Variants in SEPTIN9 observed in about 807,000 individuals in gnomAD.
SEPTIN9 encodes the protein septin 9, also known as septin-9.
SEPTIN9 carries 13 observed loss-of-function variants against 56.6 expected under a neutral mutation model. The ratio of observed to expected loss-of-function variants is 0.23; its 90% CI spans 0.15 to 0.37. The LOEUF (loss-of-function observed/expected upper bound fraction) is 0.37. Ranked by LOEUF, SEPTIN9 falls within the 10% of genes least tolerant of loss-of-function variation. The pLI is 1.00. For missense variants in SEPTIN9, 650 were observed against 823.1 expected, an observed-to-expected ratio of 0.79 and a Z score of 2.57; for synonymous variants, 332 against 334.1, an observed-to-expected ratio of 0.99 and a Z score of 0.07.
intron 2 of SEPTIN9, 103 bp from the exon 3 acceptor site, chr17:77,401,956 C>A: frequency 1.6e-6 from 2 of 1,228,984 alleles, no homozygotes; most frequent in South Asian, 1.5e-5. Context: ...CGGCCCTCAC[C>A]GCCGCATCGC....
intron 2 of SEPTIN9, among the ~76,000 whole-genome samples, chr17:77,390,453 T>TTC (rs1464024718): frequency 1.9e-4 from 21 of 111,124 alleles, no homozygotes; most frequent in African/African-American, 1.2e-3. Flanking sequence ...CACATTTCGC[T>TTC]TTTTTTTTTT....
chr17:77,353,533 AG>A lies in SEPTIN9; in HGVS notation c.76+46337del, dbSNP rs111326450. On this transcript the variant is annotated intron_variant, in intron 2 of 11. Coordinates refer to ENST00000427177, the MANE Select transcript of SEPTIN9 (RefSeq NM_001113491.2). ...ATGTGGGAGTTGTTCAGGAGTGCAT[AG>A]AAGGGACCTCAGAGGTCCCTGCCAA... Among the ~76,000 whole-genome samples, 581 of 152,236 alleles carry A rather than the reference AG, an allele frequency of 3.8e-3. 6 individuals carry two copies. The highest frequency in any genetic ancestry group is 0.011 in the African/African-American group (461 of 41,542).
At chr17:77,441,784 C>T (rs529297075) in intron 3 of SEPTIN9, among the ~76,000 whole-genome samples, 41 of 152,220 alleles carry the variant, frequency 2.7e-4, no homozygotes, top group African/African-American at 7.7e-4. Context: ...TTGCCACTTC[C>T]GTTTCTTTCC....
chr17:77,373,258 G>T, intron 2 of SEPTIN9: 1 of 1,137,662 alleles, frequency 8.8e-7, no homozygotes, highest in Non-Finnish European at 1.1e-6. Flanking sequence ...GCGGGTGCGG[G>T]AACCTGATCC....
chr17:77,460,778 T>C (rs904914345), intron 3 of SEPTIN9, among the ~76,000 whole-genome samples: 1 of 152,114 alleles, frequency 6.6e-6, no homozygotes, highest in Non-Finnish European at 1.5e-5. Context: ...GCATCTTGCA[T>C]CCGGGGAGTG....
rs1355808040 is a variant in SEPTIN9 at position 77,453,578 on chromosome 17, C to G, written c.722-28566C>G. ...TGAGATTGTGCTACTGCACTCCAGT[C>G]TGGGCAACAAGAGTGAAACTCTGTC... On this transcript the variant is annotated intron_variant, in intron 3 of 11. Coordinates refer to ENST00000427177, the MANE Select transcript of SEPTIN9 (RefSeq NM_001113491.2). The surrounding 1 kb of genome is among the most constrained non-coding windows in gnomAD (Gnocchi z 4.4). Among the ~76,000 whole-genome samples the G allele has an allele frequency of 1.4e-5, 2 of 147,870 alleles. No homozygotes were observed. Among genetic ancestry groups the G allele is most frequent in the East Asian group, 4.0e-4 (2 of 5,052 alleles).
chr17:77,452,384 C>A (rs953976481), intron 3 of SEPTIN9, among the ~76,000 whole-genome samples: 1 of 152,210 alleles, frequency 6.6e-6, no homozygotes, highest in African/African-American at 2.4e-5. Context: ...CCTGAAACGC[C>A]GTCCCAGTGA....
At chr17:77,373,841 G>GT in intron 2 of SEPTIN9, 2 of 428,262 alleles carry the variant, frequency 4.7e-6, no homozygotes, top group Non-Finnish European at 7.8e-6. Flanking sequence ...TTTTATTGTT[G>GT]TTTGTGTTTG....
intron 1 of SEPTIN9, among the ~76,000 whole-genome samples, chr17:77,301,867 C>T (rs1051321114): frequency 6.6e-6 from 1 of 152,178 alleles, no homozygotes; most frequent in Non-Finnish European, 1.5e-5. Context: ...CATTCATTGT[C>T]AGCACAAAGG....
intron 1 of SEPTIN9, among the ~76,000 whole-genome samples, chr17:77,305,480 TCTC>T (rs2032223713): frequency 6.6e-6 from 1 of 151,918 alleles, no homozygotes; most frequent in African/African-American, 2.4e-5. Context: ...TTTGTCCTCA[TCTC>T]CTCCATGAAG....
chr17:77,395,398 G>A (rs1284362810), intron 2 of SEPTIN9, among the ~76,000 whole-genome samples: 4 of 151,996 alleles, frequency 2.6e-5, no homozygotes, highest in Non-Finnish European at 2.9e-5. Context: ...CGTGGTGGCC[G>A]GGCACCTGTA....
In SEPTIN9 at chr17:77,450,715, G is replaced by GGGCTGGAGA. The variant is rs1273052577; in HGVS notation, c.722-31416_722-31408dup. The GGGCTGGAGA allele has an allele frequency of 5.1e-6, 5 of 986,146 alleles. No individual in the cohort carries two copies. The highest frequency in any genetic ancestry group is 6.0e-6 in the Non-Finnish European group (5 of 830,680). The allele number at this position is 986,146 out of a possible 1,614,324, so 61.1% of individuals were successfully genotyped here. A position where few individuals can be genotyped will look rare whatever the true frequency, so the allele number is the denominator to read the frequency against. Reference sequence around the variant, plus strand: ...CTGACTCACTGGCCAGGTCCCCCAGGGGCTGGAGAGGCTGGAGAGGCAGGA... The same window carrying GGGCTGGAGA: ...CTGACTCACTGGCCAGGTCCCCCAGGGGCTGGAGAGGCTGGAGAGGCTGGAGAGGCAGGA... On this transcript the variant is annotated intron_variant, in intron 3 of 11. Transcript: ENST00000427177. This position sits in a 1 kb window ranked among gnomAD's most constrained non-coding sequence, Gnocchi z 6.0.
intron 2 of SEPTIN9, among the ~76,000 whole-genome samples, chr17:77,385,949 G>A (rs554798952): frequency 2.6e-5 from 4 of 152,204 alleles, no homozygotes; most frequent in East Asian, 3.8e-4. Flanking sequence ...AGACCTCACC[G>A]TGGCCCTCGT....
chr17:77,371,248 G>C lies in SEPTIN9; in HGVS notation c.77-30811G>C, dbSNP rs187318515. 1.4e-4 allele frequency among the ~76,000 whole-genome samples: 22 copies of C among 152,344 alleles called. 3 individuals carry two copies. Among genetic ancestry groups the C allele is most frequent in the Admixed American group, 1.1e-3 (17 of 15,306 alleles). On this transcript the variant is annotated intron_variant, in intron 2 of 11. Coordinates refer to ENST00000427177, the MANE Select transcript of SEPTIN9 (RefSeq NM_001113491.2). This position sits in a 1 kb window ranked among gnomAD's most constrained non-coding sequence, Gnocchi z 4.1. The stretch of plus-strand genomic sequence containing the variant: ...GTGGGCTCTGAGCACAGTCACGAAG[G>C]CATGCGCACTTTCTGGCTGCTCTCC...
At chr17:77,426,884 A>G (rs1176093902) in intron 3 of SEPTIN9, 1 of 152,224 alleles carries the variant, frequency 6.6e-6, no homozygotes, top group Admixed American at 6.5e-5. Flanking sequence ...GGGGAGCACA[A>G]AGGAGGGAAG....
chr17:77,403,744 C>T (rs987549259), intron 3 of SEPTIN9, among the ~76,000 whole-genome samples: 1 of 152,228 alleles, frequency 6.6e-6, no homozygotes, highest in Non-Finnish European at 1.5e-5. Context: ...TTTGATTTAG[C>T]TGCTGCTTCT....
rs930335857 is a variant in SEPTIN9 at position 77,371,490 on chromosome 17, A to G, written c.77-30569A>G. ...GTGCTTTTTAGAAAAACACTCGAGA[A>G]TAATGCTGTGGCTTAGGATGGCTGT... is the stretch of plus-strand genomic sequence containing the variant. On this transcript the variant is annotated intron_variant, in intron 2 of 11. Coordinates refer to ENST00000427177, the MANE Select transcript of SEPTIN9 (RefSeq NM_001113491.2). The surrounding 1 kb of genome is among the most constrained non-coding windows in gnomAD (Gnocchi z 4.1). Among the ~76,000 whole-genome samples, 2 of 152,260 alleles carry G rather than the reference A, an allele frequency of 1.3e-5. No individual in the cohort carries two copies. The highest frequency in any genetic ancestry group is 4.8e-5 in the African/African-American group (2 of 41,470).
chr17:77,295,460 G>A (rs1167329295), intron 1 of SEPTIN9, among the ~76,000 whole-genome samples: 1 of 152,154 alleles, frequency 6.6e-6, no homozygotes, highest in African/African-American at 2.4e-5. Flanking sequence ...TGGAGAAGCT[G>A]TCTGAGGCAG....
At chr17:77,493,737 C>T (rs1038444884) in intron 10 of SEPTIN9, among the ~76,000 whole-genome samples, 3 of 151,324 alleles carry the variant, frequency 2.0e-5, no homozygotes, top group African/African-American at 4.8e-5. Flanking sequence ...GCCTTCTTCC[C>T]TGTGTCTCTG....
Sources: allele counts gnomAD v4.1 joint callset (sites outside exome capture counted in the v4.1 genomes callset), GRCh38; gene constraint gnomAD v4.1.1; non-coding constraint Gnocchi (gnomAD v3.1); transcripts MANE v1.5; gene names NCBI Gene and HGNC (gene_info 2026-07-23, HGNC 2026-07-21).